The following CUX2 variants were observed in gnomAD, a reference collection of about 807,000 sequenced individuals.
CUX2 encodes the protein cut like homeobox 2, also known as homeobox protein cut-like 2.
Under a neutral mutation model 144.8 loss-of-function variants are expected in CUX2, and 40 were observed. The ratio of observed to expected loss-of-function variants is 0.28; its 90% CI spans 0.21 to 0.36. The LOEUF is 0.36. Among genes scored for constraint, CUX2 ranks in the 10% least tolerant of loss-of-function variants. The probability of loss-of-function intolerance (pLI) is 1.00; values close to 1 mark genes in which losing one functional copy is unlikely to be tolerated. For synonymous variants in CUX2, 827 were observed against 875.6 expected (o/e 0.94, Z 0.98); for missense variants, 1,615 against 1,994.0 (o/e 0.81, Z 3.62).
At chr12:111,175,340 CCTT>C (rs1055379855) in intron 1 of CUX2, among the ~76,000 whole-genome samples, 1 of 92,718 alleles carries the variant, frequency 1.1e-5, no homozygotes, top group African/African-American at 5.0e-5. Flanking sequence ...CCCACCCACA[CCTT>C]TTTTTTTTTT....
At position 111,131,047 on chromosome 12, in the gene CUX2, T is replaced by A. The variant is rs78662654; in HGVS notation, c.64-83153T>A. On this transcript the variant is annotated intron_variant, in intron 1 of 21. Coordinates refer to ENST00000261726, the MANE Select transcript of CUX2 (RefSeq NM_015267.4). ...AGCACACCTCATGGGTCACTTTTTT[T>A]ATGCCTCCTGTATTAGTTTGTTTTC... Among the ~76,000 whole-genome samples, 108 of 152,316 alleles carry A rather than the reference T, an allele frequency of 7.1e-4. 1 individual carries two copies. In the East Asian group the frequency reaches 0.017, roughly 24 times the overall value.
At chr12:111,339,598 G>A (rs1160659552) in intron 20 of CUX2, 1 of 152,224 alleles carries the variant, frequency 6.6e-6, no homozygotes, top group Non-Finnish European at 1.5e-5. Flanking sequence ...GTATTTGGAT[G>A]GAAGATAAGC....
intron 1 of CUX2, among the ~76,000 whole-genome samples, chr12:111,189,964 T>C (rs2136192748): frequency 6.6e-6 from 1 of 152,356 alleles, no homozygotes; most frequent in East Asian, 1.9e-4. Flanking sequence ...GAGGTTCCAG[T>C]TGATCCACAT....
intron 21 of CUX2, 52 bp downstream of exon 21, chr12:111,342,105 C>G: frequency 6.4e-7 from 1 of 1,557,798 alleles, no homozygotes; most frequent in African/African-American, 1.4e-5. Flanking sequence ...CAGGTGGGAC[C>G]CCTTCCCCAT....
rs550955375 is a variant in CUX2 at position 111,059,043 on chromosome 12, G to A, written c.63+24803G>A. On this transcript the variant is annotated intron_variant, in intron 1 of 21. Coordinates refer to ENST00000261726, the MANE Select transcript of CUX2 (RefSeq NM_015267.4). The surrounding 1 kb of genome is among the most constrained non-coding windows in gnomAD (Gnocchi z 5.3). Reference sequence around the variant, plus strand: ...GATATCTGGACACTCCCAAGTCTGGGTGTGTTTAGTAAACATTATTAATTT... The same window carrying A: ...GATATCTGGACACTCCCAAGTCTGGATGTGTTTAGTAAACATTATTAATTT... Among the ~76,000 whole-genome samples, 3 of 152,202 alleles carry A rather than the reference G, an allele frequency of 2.0e-5. No individual in the cohort carries two copies. Among genetic ancestry groups the A allele is most frequent in the African/African-American group, 4.8e-5 (2 of 41,450 alleles).
chr12:111,197,911 C>A (rs529893437), intron 1 of CUX2, among the ~76,000 whole-genome samples: 4 of 152,194 alleles, frequency 2.6e-5, no homozygotes, highest in Admixed American at 2.0e-4. Context: ...AGCAGTGCCC[C>A]CACTCAAGCC....
Position 111,179,972 on chromosome 12 carries a change from C to T in CUX2, c.64-34228C>T, listed in dbSNP as rs953129828. On this transcript the variant is annotated intron_variant, in intron 1 of 21. Transcript: ENST00000261726. ...TGCTGGGATTACAGGCGTGAGCCACCGTGCCCAGCCCCTGGGACTGTAATT... is the reference window on the plus strand; with the variant it reads ...TGCTGGGATTACAGGCGTGAGCCACTGTGCCCAGCCCCTGGGACTGTAATT... Among the ~76,000 whole-genome samples, 5 of 152,192 alleles carry T rather than the reference C, an allele frequency of 3.3e-5. No homozygotes were observed. In the South Asian group the frequency reaches 1.0e-3, roughly 32 times the overall value.
At chr12:111,209,633 G>A (rs1490408336) in intron 1 of CUX2, among the ~76,000 whole-genome samples, 1 of 152,116 alleles carries the variant, frequency 6.6e-6, no homozygotes, top group Non-Finnish European at 1.5e-5. Flanking sequence ...GTGCCTTGGA[G>A]GACTAAGTCC....
At chr12:111,086,967 C>G (rs376028092) in intron 1 of CUX2, among the ~76,000 whole-genome samples, 47 of 152,134 alleles carry the variant, frequency 3.1e-4, no homozygotes, top group Non-Finnish European at 4.0e-4. Flanking sequence ...AGAAATGTTA[C>G]CCATTGCTAT....
At chr12:111,332,946 G>A (rs551554313) in intron 18 of CUX2, among the ~76,000 whole-genome samples, 3 of 152,260 alleles carry the variant, frequency 2.0e-5, no homozygotes, top group South Asian at 2.1e-4. Context: ...TGTGGCTCAC[G>A]CCTGCAATAC....
In CUX2 at chr12:111,322,715, T is replaced by C; in HGVS notation, c.2926+135T>C. ...GCCCTGGCTTTCATCCCAGTCACTG[T>C]CATGGCTGCACTGGAACATGGCGGG... is the stretch of plus-strand genomic sequence containing the variant. On this transcript the variant is annotated intron_variant, in intron 18 of 21. Coordinates refer to ENST00000261726, the MANE Select transcript of CUX2 (RefSeq NM_015267.4). The surrounding 1 kb of genome is among the most constrained non-coding windows in gnomAD (Gnocchi z 4.2). 1 of 1,160,778 alleles carries C rather than the reference T, an allele frequency of 8.6e-7. No homozygotes were observed. The highest frequency in any genetic ancestry group is 1.2e-6 in the Non-Finnish European group (1 of 823,898). 71.9% of individuals were successfully genotyped at this position (1,160,778 alleles called of 1,614,324 possible). A position where few individuals can be genotyped will look rare whatever the true frequency, so the allele number is the denominator to read the frequency against.
intron 1 of CUX2, among the ~76,000 whole-genome samples, chr12:111,182,046 G>A (rs1480888806): frequency 6.6e-6 from 1 of 152,084 alleles, no homozygotes; most frequent in Middle Eastern, 3.2e-3. Context: ...CAGGGAGGTG[G>A]GGGGACATTT....
At chr12:111,075,888 T>A (rs1871512060) in intron 1 of CUX2, among the ~76,000 whole-genome samples, 1 of 152,102 alleles carries the variant, frequency 6.6e-6, no homozygotes, top group South Asian at 2.1e-4. Flanking sequence ...AAACTGAGTC[T>A]GAATAATAAT....
intron 4 of CUX2, among the ~76,000 whole-genome samples, chr12:111,268,115 C>T (rs1161357566): frequency 6.6e-6 from 1 of 151,922 alleles, no homozygotes; most frequent in East Asian, 1.9e-4. Flanking sequence ...CTTATAATGA[C>T]ACTTGTCATT....
intron 1 of CUX2, among the ~76,000 whole-genome samples, chr12:111,202,646 G>A (rs982161669): frequency 1.3e-5 from 2 of 152,180 alleles, no homozygotes; most frequent in Admixed American, 1.3e-4. Flanking sequence ...GACCCAAACG[G>A]ACAAAGTCCT....
chr12:111,120,428 G>A (rs541140511), intron 1 of CUX2, among the ~76,000 whole-genome samples: 1 of 152,158 alleles, frequency 6.6e-6, no homozygotes, highest in East Asian at 1.9e-4. Flanking sequence ...CAAATAGCCG[G>A]GCTTCAGCAT....
chr12:111,282,496 TGC>T (rs1885161133), intron 4 of CUX2, among the ~76,000 whole-genome samples: 1 of 147,422 alleles, frequency 6.8e-6, no homozygotes, highest in Admixed American at 6.8e-5. Flanking sequence ...TGTGGTGGCC[TGC>T]GCCTGTAGTC....
intron 1 of CUX2, among the ~76,000 whole-genome samples, chr12:111,142,717 C>T (rs754784663): frequency 6.6e-6 from 1 of 152,158 alleles, no homozygotes; most frequent in Non-Finnish European, 1.5e-5. Context: ...TATAAAGCTG[C>T]TCCCGGCTTG....
intron 1 of CUX2, among the ~76,000 whole-genome samples, chr12:111,079,052 C>T (rs1871708568): frequency 6.6e-6 from 1 of 152,234 alleles, no homozygotes; most frequent in Non-Finnish European, 1.5e-5. Flanking sequence ...CTGGGAAGAG[C>T]TGGGACCTGG....
Sources: gnomAD v4.1 joint callset for allele counts (sites outside exome capture counted in the v4.1 genomes callset) on GRCh38, gnomAD v4.1.1 for gene constraint, Gnocchi (gnomAD v3.1) non-coding constraint, MANE v1.5 for transcripts, NCBI Gene and HGNC (gene_info 2026-07-23, HGNC 2026-07-21) for gene names.